The following TRPM3 variants were observed in gnomAD, a reference collection of about 807,000 sequenced individuals.
TRPM3 encodes the protein long transient receptor potential channel 3.
A neutral mutation model predicts 181.2 loss-of-function variants in TRPM3; 77 were observed. That is an observed-to-expected ratio of 0.42 (90% CI 0.35 to 0.51). The LOEUF is 0.51. Ranked by LOEUF, TRPM3 falls within the 20% of genes least tolerant of loss-of-function variation. The pLI, the probability that TRPM3 is intolerant of heterozygous loss-of-function variation, is 0.01. For synonymous variants in TRPM3, 745 were observed against 796.4 expected (o/e 0.94, Z 1.09); for missense variants, 1,759 against 2,196.7 (o/e 0.80, Z 3.98).
chr9:71,291,796 C>T (rs11142784), intron 1 of TRPM3, among the ~76,000 whole-genome samples: 8 of 151,800 alleles, frequency 5.3e-5, no homozygotes, highest in African/African-American at 1.2e-4. Flanking sequence ...AAATTAGAAA[C>T]GACTTGAGTA....
In TRPM3 at chr9:70,988,285, T is replaced by C. The variant is rs75138649; in HGVS notation, c.178-123774A>G. On this transcript the variant is annotated intron_variant, in intron 1 of 25. Coordinates refer to ENST00000677713, the MANE Select transcript of TRPM3 (RefSeq NM_001366145.2). ...AACCACAGATACAGAGCTAAGCATA[T>C]AGGCTTTGAATCCAGATACTCTTAA... Among the ~76,000 whole-genome samples the C allele has an allele frequency of 5.0e-3, 758 of 152,300 alleles. 19 individuals carry two copies. The East Asian group carries it at 0.078, about 16-fold the overall frequency.
chr9:70,791,211 A>G (rs1053320570), intron 6 of TRPM3, among the ~76,000 whole-genome samples: 13 of 152,242 alleles, frequency 8.5e-5, no homozygotes, highest in Non-Finnish European at 1.2e-4. Context: ...GCCAGACCCA[A>G]TGCAAACCAA....
rs968925687 is a variant in TRPM3, at chr9:70,931,692, A to T, written c.178-67181T>A. Among the ~76,000 whole-genome samples, 49 of 152,142 alleles carry T rather than the reference A, an allele frequency of 3.2e-4. 2 individuals are homozygous for T. The highest frequency in any genetic ancestry group is 2.9e-3 in the Admixed American group (45 of 15,256). ...GAGAGATATTTTCCCCAAATGACAC[A>T]TCTTTTAGTATTCTACTCATACTTT... is the stretch of plus-strand genomic sequence containing the variant. On this transcript the variant is annotated intron_variant, in intron 1 of 25. Coordinates refer to ENST00000677713, the MANE Select transcript of TRPM3 (RefSeq NM_001366145.2).
At chr9:70,617,745 A>C (rs1290195418) in intron 17 of TRPM3, among the ~76,000 whole-genome samples, 1 of 152,184 alleles carries the variant, frequency 6.6e-6, no homozygotes, top group Non-Finnish European at 1.5e-5. Context: ...CGGGTGGATC[A>C]CTTGAGGTCA....
intron 6 of TRPM3, among the ~76,000 whole-genome samples, chr9:70,804,338 A>G (rs966100490): frequency 1.3e-5 from 2 of 152,066 alleles, no homozygotes; most frequent in African/African-American, 2.4e-5. Context: ...AAAGAAACAA[A>G]ACAAAACAAA....
rs2064496076 is a variant in TRPM3 at position 70,625,847 on chromosome 9, CG to C, written c.1633-331del. Reference sequence around the variant, plus strand: ...CTCCATCAGCTGGGATTTTAGGACTCGGGTCTCCTTTAATACAAAACCTCTA... The same window carrying C: ...CTCCATCAGCTGGGATTTTAGGACTCGGTCTCCTTTAATACAAAACCTCTA... On this transcript the variant is annotated intron_variant, in intron 12 of 25. Coordinates refer to ENST00000677713, the MANE Select transcript of TRPM3 (RefSeq NM_001366145.2). This position sits in a 1 kb window ranked among gnomAD's most constrained non-coding sequence, Gnocchi z 4.8. Among the ~76,000 whole-genome samples, 1 of 152,108 alleles carries C rather than the reference CG, an allele frequency of 6.6e-6. No individual in the cohort carries two copies. The highest frequency in any genetic ancestry group is 1.5e-5 in the Non-Finnish European group (1 of 68,022).
At chr9:70,941,143 A>T (rs186292303) in intron 1 of TRPM3, among the ~76,000 whole-genome samples, 1 of 152,250 alleles carries the variant, frequency 6.6e-6, no homozygotes, top group Admixed American at 6.5e-5. Context: ...GGGTGTTGCC[A>T]AAGGAGATTA....
chr9:71,278,774 T>C (rs1003065234), intron 1 of TRPM3, among the ~76,000 whole-genome samples: 2 of 152,062 alleles, frequency 1.3e-5, no homozygotes, highest in Admixed American at 1.3e-4. Context: ...TGGACATGTA[T>C]ATGACAGAGG....
intron 1 of TRPM3, among the ~76,000 whole-genome samples, chr9:71,160,747 C>G (rs1354049278): frequency 6.6e-6 from 1 of 152,140 alleles, no homozygotes; most frequent in Non-Finnish European, 1.5e-5. Flanking sequence ...TTCTGTGTCT[C>G]TTTCTCGAGC....
intron 1 of TRPM3, among the ~76,000 whole-genome samples, chr9:71,319,284 A>G (rs527639983): frequency 2.0e-5 from 3 of 152,126 alleles, no homozygotes; most frequent in Non-Finnish European, 4.4e-5. Flanking sequence ...GGGACTAAGA[A>G]GTTCCATAGT....
chr9:71,397,097 T>C (rs1272508112), intron 1 of TRPM3, among the ~76,000 whole-genome samples: 8 of 152,142 alleles, frequency 5.3e-5, no homozygotes, highest in Admixed American at 5.2e-4. Flanking sequence ...ATTAATGTAG[T>C]ACGATAAGAT....
At chr9:70,690,702 G>A (rs980871658) in intron 8 of TRPM3, among the ~76,000 whole-genome samples, 3 of 152,014 alleles carry the variant, frequency 2.0e-5, no homozygotes, top group Admixed American at 6.6e-5. Flanking sequence ...GCAATTAATA[G>A]AAAACACAAA....
chr9:71,185,202 T>C (rs2077606883), intron 1 of TRPM3, among the ~76,000 whole-genome samples: 1 of 152,038 alleles, frequency 6.6e-6, no homozygotes, highest in Non-Finnish European at 1.5e-5. Context: ...GTGTAACTGA[T>C]GCATGAAAGG....
In TRPM3 at chr9:70,700,062, A is replaced by C. The variant is rs571220519; in HGVS notation, c.1273-18484T>G. The stretch of plus-strand genomic sequence containing the variant: ...TAATGGTGTGATCTTGGTTCACTGC[A>C]GTCTCCGCCTCCCGGGTTCAAGCGA... On this transcript the variant is annotated intron_variant, in intron 8 of 25. Coordinates refer to ENST00000677713, the MANE Select transcript of TRPM3 (RefSeq NM_001366145.2). 9.8e-5 allele frequency among the ~76,000 whole-genome samples: 15 copies of C among 152,300 alleles called. No homozygotes were observed. In the East Asian group the frequency reaches 2.5e-3, roughly 25 times the overall value.
chr9:71,067,750 C>T (rs1027682791), intron 1 of TRPM3, among the ~76,000 whole-genome samples: 1 of 152,142 alleles, frequency 6.6e-6, no homozygotes, highest in African/African-American at 2.4e-5. Flanking sequence ...ATGTTTCTTG[C>T]CAAGGGCTCT....
chr9:70,973,297 C>A (rs2097264786), intron 1 of TRPM3, among the ~76,000 whole-genome samples: 1 of 152,150 alleles, frequency 6.6e-6, no homozygotes, highest in Non-Finnish European at 1.5e-5. Context: ...TTTAGCTGAG[C>A]TAGCCTGAAT....
chr9:71,015,684 G>A (rs1395508428), intron 1 of TRPM3, among the ~76,000 whole-genome samples: 2 of 152,068 alleles, frequency 1.3e-5, no homozygotes, highest in Non-Finnish European at 2.9e-5. Context: ...CATTCATTCT[G>A]TGTTCTGAAT....
chr9:71,142,300 A>G lies in TRPM3; in HGVS notation c.184-277789T>C, dbSNP rs958944884. 3.5e-4 allele frequency among the ~76,000 whole-genome samples: 53 copies of G among 152,140 alleles called. 1 individual carries two copies. Among genetic ancestry groups the G allele is most frequent in the Admixed American group, 6.6e-5 (1 of 15,260 alleles). ...GGCCACTCTCTTTGCAATGGTTTCC[A>G]CTTGTCTTAGGTTGAGTTACCTTCA... is the stretch of plus-strand genomic sequence containing the variant. On this transcript the variant is annotated intron_variant, in intron 1 of 24. Coordinates refer to the TRPM3 transcript ENST00000357533.
chr9:71,040,373 T>C (rs2058686816), intron 1 of TRPM3, among the ~76,000 whole-genome samples: 1 of 152,160 alleles, frequency 6.6e-6, no homozygotes, highest in Non-Finnish European at 1.5e-5. Flanking sequence ...TGGTATTGCT[T>C]TCCATACTTT....
Sources: gnomAD v4.1 joint callset for allele counts (sites outside exome capture counted in the v4.1 genomes callset) on GRCh38, gnomAD v4.1.1 for gene constraint, Gnocchi (gnomAD v3.1) non-coding constraint, MANE v1.5 for transcripts, NCBI Gene and HGNC (gene_info 2026-07-23, HGNC 2026-07-21) for gene names.